Variants in GRIN2A observed in about 807,000 individuals in gnomAD.
GRIN2A encodes the protein glutamate ionotropic receptor NMDA type subunit 2A.
Under a neutral mutation model 113.4 loss-of-function variants are expected in GRIN2A, and 22 were observed. The observed-to-expected ratio is 0.19, with a 90% CI of 0.14 to 0.28. The LOEUF is 0.28. GRIN2A is among the 10% of genes least tolerant of loss of function. GRIN2A has a pLI of 1.00. For synonymous variants in GRIN2A, 827 were observed against 738.4 expected (o/e 1.12, Z -1.94); for missense variants, 1,502 against 1,887.0 (o/e 0.80, Z 3.78).
intron 2 of GRIN2A, among the ~76,000 whole-genome samples, chr16:10,159,622 C>A (rs1023058277): frequency 6.6e-6 from 1 of 151,930 alleles, no homozygotes; most frequent in South Asian, 2.1e-4. Context: ...GGACCTTAGC[C>A]CAATCCCATT....
chr16:9,943,460 T>G (rs2141651109), intron 2 of GRIN2A, among the ~76,000 whole-genome samples: 1 of 152,326 alleles, frequency 6.6e-6, no homozygotes, highest in Middle Eastern at 3.4e-3. Context: ...GTTCCAGAGC[T>G]TGCTCGGTCC....
chr16:10,045,034 G>GA lies in GRIN2A; in HGVS notation c.415-106484dup, dbSNP rs555970102. ...TTACCGTACATTATCACCTGGCAAA[G>GA]AAAAAAAACCTGTGCCTGTTCAAAA... On this transcript the variant is annotated intron_variant, in intron 2 of 12. Transcript: ENST00000330684. Among the ~76,000 whole-genome samples, 24 of 151,986 alleles carry GA rather than the reference G, an allele frequency of 1.6e-4. No homozygotes were observed. The South Asian group carries it at 5.0e-3, about 32-fold the overall frequency.
chr16:10,071,766 A>C (rs72774122), intron 2 of GRIN2A, among the ~76,000 whole-genome samples: 13,859 of 152,266 alleles, frequency 0.091, 715 homozygotes, highest in Non-Finnish European at 0.11. Context: ...CCTGCCTGCC[A>C]CTATCACTTC....
intron 8 of GRIN2A, among the ~76,000 whole-genome samples, chr16:9,831,562 C>CTGCA (rs2141318462): frequency 6.9e-6 from 1 of 145,648 alleles, no homozygotes; most frequent in East Asian, 2.0e-4. Flanking sequence ...GTCACTCAGG[C>CTGCA]TGCAGTGCAG....
At chr16:10,032,833 A>G (rs941036482) in intron 2 of GRIN2A, among the ~76,000 whole-genome samples, 2 of 152,306 alleles carry the variant, frequency 1.3e-5, no homozygotes, top group Admixed American at 6.5e-5. Context: ...AACTCCTAAC[A>G]TAAGTCTCTG....
chr16:10,143,619 C>T (rs1823015720), intron 2 of GRIN2A, among the ~76,000 whole-genome samples: 1 of 152,062 alleles, frequency 6.6e-6, no homozygotes, highest in African/African-American at 2.4e-5. Context: ...CTGAGATTTG[C>T]ATTAAAATAA....
chr16:9,870,931 C>A (rs954360300), intron 4 of GRIN2A, among the ~76,000 whole-genome samples: 2 of 152,208 alleles, frequency 1.3e-5, no homozygotes, highest in African/African-American at 4.8e-5. Context: ...AGCCACCACG[C>A]CTGGCTCAAG....
At chr16:9,965,664 C>G (rs921281059) in intron 2 of GRIN2A, among the ~76,000 whole-genome samples, 2 of 151,996 alleles carry the variant, frequency 1.3e-5, no homozygotes, top group Non-Finnish European at 2.9e-5. Flanking sequence ...AGCTGAGACC[C>G]AATAAAATAA....
chr16:9,798,572 T>A, intron 10 of GRIN2A, 108 bp from the exon 11 acceptor site: 1 of 768,750 alleles, frequency 1.3e-6, no homozygotes, highest in Non-Finnish European at 2.2e-6. Context: ...TTCATGCTGG[T>A]GATGATGACT....
intron 2 of GRIN2A, among the ~76,000 whole-genome samples, chr16:10,096,714 T>C (rs955871940): frequency 6.6e-5 from 10 of 152,098 alleles, no homozygotes; most frequent in Admixed American, 6.5e-4. Context: ...TTCTTGCTGG[T>C]GGTCTCATTT....
intron 2 of GRIN2A, among the ~76,000 whole-genome samples, chr16:10,124,740 G>A (rs896460670): frequency 1.3e-5 from 2 of 152,126 alleles, no homozygotes; most frequent in African/African-American, 2.4e-5. Flanking sequence ...ACAGAGCAGA[G>A]GCCCCACTCT....
intron 12 of GRIN2A, among the ~76,000 whole-genome samples, chr16:9,765,612 T>TG (rs1900866058): frequency 6.6e-6 from 1 of 152,132 alleles, no homozygotes; most frequent in African/African-American, 2.4e-5. Flanking sequence ...TACCATCATG[T>TG]GGGGGTGTGA....
intron 2 of GRIN2A, among the ~76,000 whole-genome samples, chr16:10,023,596 T>A (rs1173448577): frequency 6.6e-6 from 1 of 152,194 alleles, no homozygotes; most frequent in East Asian, 1.9e-4. Flanking sequence ...AAGAAATAGA[T>A]GTGAAGGAAT....
At chr16:9,880,471 T>G (rs764949344) in intron 4 of GRIN2A, among the ~76,000 whole-genome samples, 4 of 152,150 alleles carry the variant, frequency 2.6e-5, no homozygotes, top group Non-Finnish European at 5.9e-5. Context: ...GTCATGTGAT[T>G]GGGTGAGGCT....
At chr16:10,018,436 A>C (rs2046650954) in intron 2 of GRIN2A, among the ~76,000 whole-genome samples, 1 of 152,190 alleles carries the variant, frequency 6.6e-6, no homozygotes, top group South Asian at 2.1e-4. Context: ...GCCCCTGGAG[A>C]AGAGTTCACC....
rs183723414 is a variant in GRIN2A, at chr16:10,180,516, G to A, written c.-18-87C>T. On this transcript the variant is annotated intron_variant, in intron 1 of 12. Transcript: ENST00000330684. This position sits in a 1 kb window ranked among gnomAD's most constrained non-coding sequence, Gnocchi z 7.0. Reference sequence around the variant, plus strand: ...ACCAACTTGGCTTCCTGCTCTAGGAGCCAGGCATGGAACTCAGCAGCAGGA... The same window carrying A: ...ACCAACTTGGCTTCCTGCTCTAGGAACCAGGCATGGAACTCAGCAGCAGGA... 1.0e-4 allele frequency: 157 copies of A among 1,531,806 alleles called. No homozygotes were observed. In the African/African-American group the frequency reaches 1.9e-3, roughly 18 times the overall value. The allele number at this position is 1,531,806 out of a possible 1,614,324, so 94.9% of individuals were successfully genotyped here.
chr16:9,935,512 TCACACACA>T (rs71157793), intron 3 of GRIN2A, among the ~76,000 whole-genome samples: 2,023 of 132,860 alleles, frequency 0.015, 40 homozygotes, highest in African/African-American at 0.045. Context: ...GTCTACTTCA[TCACACACA>T]CACACACACA....
intron 2 of GRIN2A, among the ~76,000 whole-genome samples, chr16:9,945,449 A>C (rs2044995960): frequency 6.6e-6 from 1 of 152,114 alleles, no homozygotes; most frequent in African/African-American, 2.4e-5. Flanking sequence ...AGCAAGAGAG[A>C]GTGGTGAGAC....
chr16:10,055,047 C>CAAAAAA lies in GRIN2A; in HGVS notation c.415-116502_415-116497dup, dbSNP rs71133304. The stretch of plus-strand genomic sequence containing the variant: ...CAGGCAACAGAGCGAGACTCTATCT[C>CAAAAAA]AAAAAAAAAAAAAAAAAAAAAAAAA... On this transcript the variant is annotated intron_variant, in intron 2 of 12. Transcript: ENST00000330684. Among the ~76,000 whole-genome samples the CAAAAAA allele has an allele frequency of 7.0e-3, 73 of 10,358 alleles. 9 individuals carry two copies. Among genetic ancestry groups the CAAAAAA allele is most frequent in the Non-Finnish European group, 7.9e-3 (52 of 6,574 alleles). 6.8% of individuals were successfully genotyped at this position (10,358 alleles called of 152,430 possible).
Sources: gnomAD v4.1 joint callset for allele counts (sites outside exome capture counted in the v4.1 genomes callset) on GRCh38, gnomAD v4.1.1 for gene constraint, Gnocchi (gnomAD v3.1) non-coding constraint, MANE v1.5 for transcripts, NCBI Gene and HGNC (gene_info 2026-07-23, HGNC 2026-07-21) for gene names.